Variants in SHANK2 observed in about 807,000 individuals in gnomAD.
SHANK2 encodes the protein SH3 and multiple ankyrin repeat domains protein 2.
Under a neutral mutation model 133.7 loss-of-function variants are expected in SHANK2, and 43 were observed. That is an observed-to-expected ratio of 0.32 (90% CI 0.25 to 0.41). The LOEUF (loss-of-function observed/expected upper bound fraction) is 0.41, where lower values mean the gene tolerates loss of function less well. Ranked by LOEUF, SHANK2 falls within the 10% of genes least tolerant of loss-of-function variation. The pLI is 1.00. For synonymous variants in SHANK2, 1,017 were observed against 952.8 expected (o/e 1.07, Z -1.24); for missense variants, 1,994 against 2,235.8 (o/e 0.89, Z 2.18).
At chr11:70,492,575 G>A (rs971752000) in intron 21 of SHANK2, 110 bp from the exon 22 acceptor site, 257 of 1,424,778 alleles carry the variant, frequency 1.8e-4, no homozygotes, top group African/African-American at 3.1e-4. Flanking sequence ...ACTGTGCAGG[G>A]GGCATTTGTT....
intron 17 of SHANK2, chr11:70,634,055 C>G (rs2061037491): frequency 6.6e-6 from 1 of 152,240 alleles, no homozygotes; most frequent in Non-Finnish European, 1.5e-5. Context: ...ATGGCTCAGA[C>G]TGGAGACCTG....
At chr11:70,845,220 GAAAA>G (rs1474708702) in intron 11 of SHANK2, among the ~76,000 whole-genome samples, 2 of 125,626 alleles carry the variant, frequency 1.6e-5, no homozygotes, top group Non-Finnish European at 3.3e-5. Flanking sequence ...AAAAAAAAAA[GAAAA>G]AGAAAGAAAG....
chr11:70,715,827 C>T (rs1168704858), intron 14 of SHANK2, among the ~76,000 whole-genome samples: 4 of 152,198 alleles, frequency 2.6e-5, no homozygotes, highest in African/African-American at 9.6e-5. Context: ...GACCCACATG[C>T]CCCTGGACCC....
intron 10 of SHANK2, among the ~76,000 whole-genome samples, chr11:70,940,812 G>T (rs782222485): frequency 6.6e-6 from 1 of 152,234 alleles, no homozygotes; most frequent in Middle Eastern, 3.4e-3. Flanking sequence ...TTCATGGAGG[G>T]TGCAAGAAAA....
intron 17 of SHANK2, among the ~76,000 whole-genome samples, chr11:70,515,416 TG>T (rs782497485): frequency 2.0e-5 from 3 of 152,188 alleles, no homozygotes; most frequent in African/African-American, 4.8e-5. Flanking sequence ...CCGTCTGGAC[TG>T]ACCTTCTAAT....
rs1565527484 is a variant in SHANK2, at chr11:70,486,090, C to T, written c.4203G>A (p.Leu1401=). 1 of 1,614,092 alleles carries T rather than the reference C, an allele frequency of 6.2e-7. No homozygotes were observed. Among genetic ancestry groups the T allele is most frequent in the East Asian group, 2.2e-5 (1 of 44,872 alleles). ...IPPPPLASVD[L]DEDFIFTEPL... is the part of the protein sequence containing the mutation. ...GCTCTGTAAAAATAAAATCCTCATC[C>T]AAGTCCACGGATGCCAGAGGGGGAG... The change falls in exon 25 of 26, where the codon TTG becomes TTA. Residue 1401 remains leucine (L), a synonymous_variant. Coordinates refer to ENST00000601538, the MANE Select transcript of SHANK2 (RefSeq NM_012309.5). The surrounding 1 kb of genome is among the most constrained non-coding windows in gnomAD (Gnocchi z 8.0).
intron 2 of SHANK2, among the ~76,000 whole-genome samples, chr11:71,148,736 T>C (rs1555107272): frequency 1.1e-4 from 16 of 152,150 alleles, no homozygotes. Flanking sequence ...GCTGTGACAA[T>C]GAATGAACCC....
At chr11:70,809,785 G>A (rs1449105353) in intron 12 of SHANK2, among the ~76,000 whole-genome samples, 5 of 152,224 alleles carry the variant, frequency 3.3e-5, no homozygotes, top group African/African-American at 7.2e-5. Flanking sequence ...ACAGGTGGGC[G>A]TCTTGGATGC....
intron 6 of SHANK2, among the ~76,000 whole-genome samples, chr11:71,104,157 A>ACGCTCACATTTTCCCGGCACCAC (rs1951767645): frequency 1.3e-5 from 2 of 152,048 alleles, no homozygotes; most frequent in Non-Finnish European, 2.9e-5. Flanking sequence ...CGCTCACCTA[A>ACGCTCACATTTTCCCGGCACCAC]CGCTCACATT....
chr11:70,601,667 T>C (rs551164806), intron 17 of SHANK2, among the ~76,000 whole-genome samples: 165 of 152,100 alleles, frequency 1.1e-3, no homozygotes, highest in African/African-American at 3.9e-3. Flanking sequence ...AGAGAATATA[T>C]AAAGAACACA....
At chr11:71,078,446 G>A (rs1458440799) in intron 8 of SHANK2, among the ~76,000 whole-genome samples, 5 of 152,176 alleles carry the variant, frequency 3.3e-5, no homozygotes, top group African/African-American at 1.2e-4. Context: ...ATTCTGGCAA[G>A]AAAGGCCAAT....
chr11:70,530,609 T>C (rs1207409160), intron 17 of SHANK2, among the ~76,000 whole-genome samples: 2 of 152,144 alleles, frequency 1.3e-5, no homozygotes, highest in Non-Finnish European at 2.9e-5. Flanking sequence ...GAGGACATCA[T>C]GCTCAGCGAA....
chr11:70,928,195 TTGTCGCCGATACC>T (rs1950454738), intron 10 of SHANK2, among the ~76,000 whole-genome samples: 1 of 152,132 alleles, frequency 6.6e-6, no homozygotes. Context: ...GAAAAGGGCA[TTGTCGCCGATACC>T]TGTTCCCGTC....
At chr11:71,212,738 A>T (rs1020151265) in intron 2 of SHANK2, among the ~76,000 whole-genome samples, 1 of 152,230 alleles carries the variant, frequency 6.6e-6, no homozygotes, top group African/African-American at 2.4e-5. Flanking sequence ...CACTTCCTCA[A>T]CGTCAAACAC....
At position 70,485,838 on chromosome 11, in the gene SHANK2, G is replaced by A. The variant is rs782064436; in HGVS notation, c.4455C>T (p.Ala1485=). ...CCTCCTCGATCCCAGAGTCGGCGACGGCGTCAAAGCTTTCAGGGGGTGGCA... is the reference window on the plus strand; with the variant it reads ...CCTCCTCGATCCCAGAGTCGGCGACAGCGTCAAAGCTTTCAGGGGGTGGCA... The part of the protein sequence containing the change: ...SFLPPPESFD[A]VADSGIEEVD... The change falls in exon 25 of 26, where the codon GCC becomes GCT. Residue 1485 remains alanine, a synonymous_variant. Coordinates refer to ENST00000601538, the MANE Select transcript of SHANK2 (RefSeq NM_012309.5). This position sits in a 1 kb window ranked among gnomAD's most constrained non-coding sequence, Gnocchi z 5.8. 8.7e-6 allele frequency: 14 copies of A among 1,613,866 alleles called. No homozygotes were observed. The highest frequency in any genetic ancestry group is 3.3e-5 in the Admixed American group (2 of 59,998).
chr11:70,822,217 C>CT (rs1161482861), intron 11 of SHANK2, among the ~76,000 whole-genome samples: 2 of 152,252 alleles, frequency 1.3e-5, no homozygotes, highest in African/African-American at 4.8e-5. Context: ...GGATTCAGCC[C>CT]TTAGGCTGAA....
At chr11:70,722,627 C>A (rs1365562027) in intron 14 of SHANK2, among the ~76,000 whole-genome samples, 1 of 152,166 alleles carries the variant, frequency 6.6e-6, no homozygotes, top group East Asian at 1.9e-4. Context: ...AATCCTTGCA[C>A]ATCATTGTTT....
intron 15 of SHANK2, chr11:70,698,093 G>A (rs530076799): frequency 6.4e-6 from 1 of 155,568 alleles, no homozygotes; most frequent in South Asian, 2.0e-4. Flanking sequence ...CACAGCTGGT[G>A]ACACACAGGT....
chr11:71,095,793 GGCACTTCATGGTGATAT>G (rs1426495959), intron 6 of SHANK2, among the ~76,000 whole-genome samples: 3 of 152,222 alleles, frequency 2.0e-5, no homozygotes, highest in African/African-American at 7.2e-5. Flanking sequence ...TCTGCAGCTT[GGCACTTCATGGTGATAT>G]GCACATGCTT....
Sources: allele counts gnomAD v4.1 joint callset (sites outside exome capture counted in the v4.1 genomes callset), GRCh38; gene constraint gnomAD v4.1.1; non-coding constraint Gnocchi (gnomAD v3.1); transcripts MANE v1.5; gene names NCBI Gene and HGNC (gene_info 2026-07-23, HGNC 2026-07-21).